The following COPS4 variants were observed in gnomAD, a reference collection of about 807,000 sequenced individuals.
COPS4 encodes the protein COP9 signalosome subunit 4, also known as COP9 signalosome complex subunit 4.
COPS4 carries 8 observed loss-of-function variants against 55.1 expected under a neutral mutation model. That is an observed-to-expected ratio of 0.15 (90% CI 0.09 to 0.26). COPS4 has a LOEUF of 0.26. COPS4 is among the 10% of genes least tolerant of loss of function. The probability of loss-of-function intolerance (pLI) is 1.00; values close to 1 mark genes in which losing one functional copy is unlikely to be tolerated. For synonymous variants in COPS4, 185 were observed against 165.7 expected (o/e 1.12, Z -0.90); for missense variants, 248 against 484.0 (o/e 0.51, Z 4.58).
chr4:83,052,726 A>G (rs749960158), intron 4 of COPS4, among the ~76,000 whole-genome samples: 7 of 152,138 alleles, frequency 4.6e-5, no homozygotes, highest in Non-Finnish European at 1.0e-4. Context: ...AGTTGGGACT[A>G]CAGGTGCACA....
chr4:83,056,582 A>T (rs1731020332), intron 4 of COPS4, among the ~76,000 whole-genome samples: 1 of 152,128 alleles, frequency 6.6e-6, no homozygotes, highest in Admixed American at 6.5e-5. Context: ...GTGGATCATG[A>T]GGTCAGGAGA....
At chr4:83,045,306 C>A (rs970553151) in intron 1 of COPS4, among the ~76,000 whole-genome samples, 4 of 151,990 alleles carry the variant, frequency 2.6e-5, no homozygotes, top group Non-Finnish European at 5.9e-5. Context: ...AAAATAAAAC[C>A]TTCAAGAAAA....
intron 9 of COPS4, among the ~76,000 whole-genome samples, chr4:83,074,474 T>G (rs1241963391): frequency 1.5e-4 from 23 of 149,896 alleles, no homozygotes; most frequent in Non-Finnish European, 3.0e-4. Context: ...TTTTTTTTTT[T>G]TTTTGGAGAT....
intron 4 of COPS4, 39 bp downstream of exon 4, chr4:83,050,023 A>G: frequency 8.7e-7 from 1 of 1,149,292 alleles, no homozygotes; most frequent in Non-Finnish European, 1.3e-6. Flanking sequence ...TATATATAGG[A>G]TGTATATAAT....
chr4:83,058,549 T>A (rs1447649638), intron 6 of COPS4, among the ~76,000 whole-genome samples: 1 of 152,218 alleles, frequency 6.6e-6, no homozygotes. Context: ...AGTTATCTTA[T>A]TTATTTTATT....
At chr4:83,066,403 G>A in intron 7 of COPS4, 35 bp from the exon 8 acceptor site, 1 of 1,120,538 alleles carries the variant, frequency 8.9e-7, no homozygotes, top group South Asian at 1.6e-5. Context: ...TATAAAACTA[G>A]TTTCAAACTT....
intron 2 of COPS4, among the ~76,000 whole-genome samples, chr4:83,046,201 C>G (rs1003420495): frequency 1.3e-5 from 2 of 152,074 alleles, no homozygotes; most frequent in Non-Finnish European, 1.5e-5. Flanking sequence ...TTCAACATCA[C>G]TAATCATCAG....
chr4:83,041,305 C>T (rs1011425685), intron 1 of COPS4, among the ~76,000 whole-genome samples: 14 of 151,622 alleles, frequency 9.2e-5, no homozygotes, highest in African/African-American at 2.2e-4. Context: ...TCAGGTGATC[C>T]GCCCACCTCA....
intron 4 of COPS4, among the ~76,000 whole-genome samples, chr4:83,056,097 A>G (rs534731575): frequency 7.1e-4 from 108 of 151,460 alleles, no homozygotes; most frequent in African/African-American, 2.4e-3. Flanking sequence ...TGCCCGGCTA[A>G]TTTTTTGTAT....
intron 1 of COPS4, among the ~76,000 whole-genome samples, chr4:83,041,473 C>T (rs1025221768): frequency 3.9e-5 from 6 of 151,938 alleles, no homozygotes; most frequent in Non-Finnish European, 8.8e-5. Flanking sequence ...TCTACGAAGC[C>T]TTATTTGACA....
chr4:83,046,458 T>C (rs1730717828), intron 2 of COPS4, among the ~76,000 whole-genome samples: 1 of 152,152 alleles, frequency 6.6e-6, no homozygotes, highest in South Asian at 2.1e-4. Context: ...AAATTAAAAA[T>C]TCCACAAAAA....
intron 6 of COPS4, among the ~76,000 whole-genome samples, chr4:83,061,711 C>CT (rs74267635): frequency 0.015 from 2,066 of 142,168 alleles, 20 homozygotes; most frequent in African/African-American, 0.03. Flanking sequence ...TAGATTATGT[C>CT]TTTTTTTTTT....
chr4:83,052,163 C>T (rs1730903541), intron 4 of COPS4, among the ~76,000 whole-genome samples: 1 of 152,098 alleles, frequency 6.6e-6, no homozygotes. Flanking sequence ...GTATGGGCTA[C>T]CCTGTGGGGG....
intron 9 of COPS4, among the ~76,000 whole-genome samples, chr4:83,069,561 G>A (rs1444456863): frequency 1.3e-5 from 2 of 151,998 alleles, no homozygotes; most frequent in African/African-American, 4.8e-5. Context: ...TTCCTCCTTT[G>A]CAATGACTAT....
chr4:83,055,580 A>G lies in COPS4; in HGVS notation c.411-1346A>G, dbSNP rs559461449. ...TGCCTCAGCCTCCCTAGTAGCTGGG[A>G]CTGCAGGCATGTGCCTCTATGCCTG... On this transcript the variant is annotated intron_variant, in intron 4 of 9. Coordinates refer to ENST00000264389, the MANE Select transcript of COPS4 (RefSeq NM_016129.3). Among the ~76,000 whole-genome samples the G allele has an allele frequency of 1.8e-3, 278 of 152,040 alleles. 2 individuals are homozygous for G. The highest frequency in any genetic ancestry group is 6.3e-3 in the African/African-American group (262 of 41,460).
At chr4:83,038,037 A>G (rs527875978) in intron 1 of COPS4, among the ~76,000 whole-genome samples, 1 of 152,340 alleles carries the variant, frequency 6.6e-6, no homozygotes, top group African/African-American at 2.4e-5. Context: ...CCTCCATTTT[A>G]TAGGCTGCTT....
intron 1 of COPS4, among the ~76,000 whole-genome samples, chr4:83,042,601 T>C (rs1730596287): frequency 6.6e-6 from 1 of 151,844 alleles, no homozygotes; most frequent in Non-Finnish European, 1.5e-5. Context: ...TTTTTTTTAT[T>C]TTTAAAATTT....
intron 4 of COPS4, among the ~76,000 whole-genome samples, chr4:83,053,211 T>TA (rs895823266): frequency 7.9e-5 from 12 of 152,020 alleles, no homozygotes; most frequent in Non-Finnish European, 1.5e-4. Context: ...ACCCCATCTC[T>TA]AAAAAAAATT....
chr4:83,068,025 C>A lies in COPS4; in HGVS notation c.1003-413C>A, dbSNP rs1731331967. On this transcript the variant is annotated intron_variant, in intron 8 of 9. Coordinates refer to ENST00000264389, the MANE Select transcript of COPS4 (RefSeq NM_016129.3). ...ATTGTCTTTTAAACCCTTTCAATTT[C>A]TTTTTGAATTTCACCATCTACCTTT... 2.0e-5 allele frequency among the ~76,000 whole-genome samples: 3 copies of A among 152,240 alleles called. No homozygotes were observed. The South Asian group carries it at 6.2e-4, about 32-fold the overall frequency.
Sources: allele counts gnomAD v4.1 joint callset (sites outside exome capture counted in the v4.1 genomes callset), GRCh38; gene constraint gnomAD v4.1.1; transcripts MANE v1.5; gene names NCBI Gene and HGNC (gene_info 2026-07-23, HGNC 2026-07-21).